The following SPIDR variants were observed in gnomAD, a reference collection of about 807,000 sequenced individuals.
SPIDR encodes the protein DNA repair-scaffolding protein.
SPIDR carries 93 observed loss-of-function variants against 104.6 expected under a neutral mutation model. The ratio of observed to expected loss-of-function variants is 0.89; its 90% CI spans 0.75 to 1.06. SPIDR has a LOEUF of 1.06. Ranked by LOEUF, SPIDR falls within the 50% of genes least tolerant of loss-of-function variation. The probability of loss-of-function intolerance (pLI) is 0.00; values close to 1 mark genes in which losing one functional copy is unlikely to be tolerated. For missense variants in SPIDR, 1,154 were observed against 1,111.2 expected (o/e 1.04, Z -0.55); for synonymous variants, 431 against 416.9 (o/e 1.03, Z -0.41).
chr8:47,393,862 G>A lies in SPIDR; in HGVS notation c.526-2514G>A, dbSNP rs782543020. The stretch of plus-strand genomic sequence containing the variant: ...CCCTTTCCCTTCCTTCCTTCCTTCC[G>A]TCCTTCCGTCCTTTGTCCTTTGTCC... On this transcript the variant is annotated intron_variant, in intron 5 of 19. Coordinates refer to ENST00000297423, the MANE Select transcript of SPIDR (RefSeq NM_001080394.4). 4.0e-5 allele frequency among the ~76,000 whole-genome samples: 5 copies of A among 125,976 alleles called. 1 individual carries two copies. The highest frequency in any genetic ancestry group is 2.4e-4 in the South Asian group (1 of 4,144). The allele number at this position is 125,976 out of a possible 152,430, so 82.6% of individuals were successfully genotyped here. A position where few individuals can be genotyped will look rare whatever the true frequency, so the allele number is the denominator to read the frequency against.
chr8:47,534,279 T>C (rs964566195), intron 8 of SPIDR, among the ~76,000 whole-genome samples: 2 of 152,216 alleles, frequency 1.3e-5, no homozygotes, highest in Non-Finnish European at 2.9e-5. Flanking sequence ...CTAATACACT[T>C]GGTATATGCC....
intron 8 of SPIDR, among the ~76,000 whole-genome samples, chr8:47,489,328 A>G (rs1358408406): frequency 6.6e-6 from 1 of 152,212 alleles, no homozygotes; most frequent in Non-Finnish European, 1.5e-5. Context: ...GAGAACTACA[A>G]ACCACTGCTC....
intron 10 of SPIDR, among the ~76,000 whole-genome samples, chr8:47,630,537 TC>T (rs2066897431): frequency 1.3e-5 from 2 of 152,206 alleles, no homozygotes. Flanking sequence ...CCTAGAACTT[TC>T]CATTGCTATA....
At chr8:47,562,462 G>A (rs2057199136) in intron 8 of SPIDR, among the ~76,000 whole-genome samples, 1 of 152,150 alleles carries the variant, frequency 6.6e-6, no homozygotes. Flanking sequence ...TGGTCTTTGT[G>A]AAAGGATTTC....
At chr8:47,481,758 G>T (rs932396704) in intron 8 of SPIDR, among the ~76,000 whole-genome samples, 2 of 152,156 alleles carry the variant, frequency 1.3e-5, no homozygotes, top group Non-Finnish European at 2.9e-5. Flanking sequence ...GATTGACAAG[G>T]TTGACTCTAC....
At chr8:47,517,141 C>T (rs770711010) in intron 8 of SPIDR, among the ~76,000 whole-genome samples, 4 of 151,994 alleles carry the variant, frequency 2.6e-5, no homozygotes, top group Non-Finnish European at 5.9e-5. Flanking sequence ...CCTGCCACCA[C>T]GCCCAGCTAA....
chr8:47,708,009 C>T (rs950129563), intron 14 of SPIDR, among the ~76,000 whole-genome samples: 2 of 152,194 alleles, frequency 1.3e-5, no homozygotes, highest in Admixed American at 1.3e-4. Context: ...TGCTTAAATA[C>T]TTTTCCTGGG....
chr8:47,648,112 A>G (rs890843033), intron 10 of SPIDR, among the ~76,000 whole-genome samples: 1 of 152,232 alleles, frequency 6.6e-6, no homozygotes. Flanking sequence ...GTGAGAAGCA[A>G]GAGAGTCTGA....
intron 8 of SPIDR, among the ~76,000 whole-genome samples, chr8:47,552,136 C>A (rs1344815195): frequency 6.6e-6 from 1 of 152,154 alleles, no homozygotes; most frequent in African/African-American, 2.4e-5. Flanking sequence ...GTCTGAGAGA[C>A]AGTTTGTTAC....
At chr8:47,603,339 T>C (rs544022490) in intron 10 of SPIDR, among the ~76,000 whole-genome samples, 1 of 152,144 alleles carries the variant, frequency 6.6e-6, no homozygotes, top group Non-Finnish European at 1.5e-5. Flanking sequence ...TTTCTCCCTT[T>C]CTAAAACATT....
chr8:47,352,915 G>A (rs2053814660), intron 5 of SPIDR, among the ~76,000 whole-genome samples: 1 of 151,832 alleles, frequency 6.6e-6, no homozygotes, highest in Non-Finnish European at 1.5e-5. Context: ...TTAGCTGGGC[G>A]TGGTGGCATG....
At chr8:47,693,014 G>C (rs77719799) in intron 11 of SPIDR, among the ~76,000 whole-genome samples, 2 of 152,110 alleles carry the variant, frequency 1.3e-5, no homozygotes, top group Non-Finnish European at 2.9e-5. Flanking sequence ...CCAGCCTAAT[G>C]GTACATTTTA....
rs138505438 is a variant in SPIDR at position 47,498,842 on chromosome 8, G to A, written c.1097+58300G>A. On this transcript the variant is annotated intron_variant, in intron 8 of 19. Coordinates refer to ENST00000297423, the MANE Select transcript of SPIDR (RefSeq NM_001080394.4). ...TTTATATCTATATTGAGTAATTGCC[G>A]TGCCCTTACTTAGCTGGTTCATTTT... 1.1e-4 allele frequency among the ~76,000 whole-genome samples: 17 copies of A among 152,232 alleles called. No individual in the cohort carries two copies. The East Asian group carries it at 2.1e-3, about 19-fold the overall frequency.
intron 5 of SPIDR, among the ~76,000 whole-genome samples, chr8:47,306,948 G>A (rs1339510245): frequency 6.6e-6 from 1 of 152,026 alleles, no homozygotes; most frequent in Non-Finnish European, 1.5e-5. Flanking sequence ...ATCTTTTTCT[G>A]TCTTTTAATT....
At chr8:47,445,782 A>G (rs1554701155) in intron 8 of SPIDR, among the ~76,000 whole-genome samples, 2 of 152,224 alleles carry the variant, frequency 1.3e-5, no homozygotes, top group African/African-American at 4.8e-5. Context: ...TAATATGGAG[A>G]AAGTTTGAGT....
intron 5 of SPIDR, among the ~76,000 whole-genome samples, chr8:47,363,197 C>CTT (rs2056443897): frequency 1.6e-5 from 2 of 128,668 alleles, no homozygotes; most frequent in African/African-American, 6.0e-5. Flanking sequence ...TTCTTTATCT[C>CTT]TCTTTTTTTT....
At chr8:47,542,722 A>G (rs576632619) in intron 8 of SPIDR, among the ~76,000 whole-genome samples, 6 of 152,308 alleles carry the variant, frequency 3.9e-5, no homozygotes, top group Middle Eastern at 3.4e-3. Flanking sequence ...ACTAAGGGTA[A>G]TATCTTGCAG....
intron 1 of SPIDR, among the ~76,000 whole-genome samples, chr8:47,263,587 G>A (rs2033126803): frequency 2.0e-5 from 3 of 152,204 alleles, no homozygotes; most frequent in Admixed American, 1.3e-4. Flanking sequence ...CCAAAGTGCT[G>A]GGATTACAGG....
In SPIDR at chr8:47,283,968, T is replaced by C. The variant is rs952427106; in HGVS notation, c.190-60T>C. 1.7e-5 allele frequency: 22 copies of C among 1,326,670 alleles called. No individual in the cohort carries two copies. The East Asian group carries it at 5.1e-4, about 31-fold the overall frequency. The allele number at this position is 1,326,670 out of a possible 1,614,324, so 82.2% of individuals were successfully genotyped here. A position where few individuals can be genotyped will look rare whatever the true frequency, so the allele number is the denominator to read the frequency against. On this transcript the variant is annotated intron_variant, in intron 2 of 19. Coordinates refer to ENST00000297423, the MANE Select transcript of SPIDR (RefSeq NM_001080394.4). ...GTGTAGTTTAAGATTTTGAATATTTTATAAAAGTTTTTTTTTAGCATTTGT... is the reference window on the plus strand; with the variant it reads ...GTGTAGTTTAAGATTTTGAATATTTCATAAAAGTTTTTTTTTAGCATTTGT...
Sources: allele counts gnomAD v4.1 joint callset (sites outside exome capture counted in the v4.1 genomes callset), GRCh38; gene constraint gnomAD v4.1.1; transcripts MANE v1.5; gene names NCBI Gene and HGNC (gene_info 2026-07-23, HGNC 2026-07-21).